SH3PXD2B: variants seen among roughly 807,000 people sequenced by gnomAD.
SH3PXD2B encodes the protein SH3 and PX domain-containing protein 2B.
Under a neutral mutation model 73.1 loss-of-function variants are expected in SH3PXD2B, and 37 were observed. The observed-to-expected ratio is 0.51, with a 90% CI of 0.39 to 0.67. The LOEUF (loss-of-function observed/expected upper bound fraction) is 0.67, where lower values mean the gene tolerates loss of function less well. Among genes scored for constraint, SH3PXD2B ranks in the 30% least tolerant of loss-of-function variants. The pLI, the probability that SH3PXD2B is intolerant of heterozygous loss-of-function variation, is 0.00. For synonymous variants in SH3PXD2B, 457 were observed against 480.5 expected (o/e 0.95, Z 0.64); for missense variants, 1,053 against 1,197.8 (o/e 0.88, Z 1.78).
At chr5:172,405,093 A>G (rs1581313405) in intron 3 of SH3PXD2B, among the ~76,000 whole-genome samples, 1 of 152,222 alleles carries the variant, frequency 6.6e-6, no homozygotes, top group Non-Finnish European at 1.5e-5. Context: ...GGTTTGGGTA[A>G]CCCCTCTCTT....
intron 2 of SH3PXD2B, among the ~76,000 whole-genome samples, chr5:172,416,925 T>C (rs980575359): frequency 6.6e-6 from 1 of 151,920 alleles, no homozygotes; most frequent in African/African-American, 2.4e-5. Flanking sequence ...GCCAGACTGG[T>C]CTTGAATTTC....
chr5:172,381,347 T>C (rs895225356), intron 5 of SH3PXD2B, among the ~76,000 whole-genome samples: 4 of 152,226 alleles, frequency 2.6e-5, no homozygotes, highest in African/African-American at 9.6e-5. Context: ...CTGATCTCTT[T>C]TCCCCACTGC....
chr5:172,380,521 G>A (rs910008985), intron 5 of SH3PXD2B, among the ~76,000 whole-genome samples: 1 of 152,198 alleles, frequency 6.6e-6, no homozygotes, highest in Non-Finnish European at 1.5e-5. Context: ...AAGGTGCTTT[G>A]AGACTATTTC....
rs1433849427 is a variant in SH3PXD2B, at chr5:172,333,985, TG to T, written c.*4383del. ...TTGCTTATTGCTGATGTAAGCCTGG[TG>T]GGGGCACCTTCTTTTTTACATGAAT... On this transcript the variant is annotated 3_prime_UTR_variant, in exon 13 of 13. Transcript: ENST00000311601. 7 of 1,198,992 alleles carry T rather than the reference TG, an allele frequency of 5.8e-6. No homozygotes were observed. The highest frequency in any genetic ancestry group is 3.8e-5 in the Admixed American group (1 of 26,230). 74.3% of individuals were successfully genotyped at this position (1,198,992 alleles called of 1,614,324 possible).
In SH3PXD2B at chr5:172,421,576, G is replaced by A. The variant is rs1442842012; in HGVS notation, c.156+840C>T. Among the ~76,000 whole-genome samples the A allele has an allele frequency of 6.6e-6, 1 of 152,200 alleles. No homozygotes were observed. The highest frequency in any genetic ancestry group is 6.5e-5 in the Admixed American group (1 of 15,288). On this transcript the variant is annotated intron_variant, in intron 2 of 12. Transcript: ENST00000311601. This position sits in a 1 kb window ranked among gnomAD's most constrained non-coding sequence, Gnocchi z 4.0. Reference sequence around the variant, plus strand: ...CAGAGAGACACACAGAGCTGTAGGGGCACAGAATGGGTGGCCCTCGCTGGC... The same window carrying A: ...CAGAGAGACACACAGAGCTGTAGGGACACAGAATGGGTGGCCCTCGCTGGC...
chr5:172,355,886 T>C lies in SH3PXD2B; in HGVS notation c.668-1881A>G, dbSNP rs1477917644. On this transcript the variant is annotated intron_variant, in intron 8 of 12. Coordinates refer to ENST00000311601, the MANE Select transcript of SH3PXD2B (RefSeq NM_001017995.3). ...CACCCGAGTCCCTCTCTGGCATCCA[T>C]GGATTGCTCAGTGATTGCACACACA... 2.0e-5 allele frequency among the ~76,000 whole-genome samples: 3 copies of C among 152,120 alleles called. No individual in the cohort carries two copies. In the East Asian group the frequency reaches 5.8e-4, roughly 29 times the overall value.
chr5:172,362,845 G>A lies in SH3PXD2B; in HGVS notation c.452C>T (p.Pro151Leu), dbSNP rs1246166974. 2 of 1,614,112 alleles carry A rather than the reference G, an allele frequency of 1.2e-6. No individual in the cohort carries two copies. Among genetic ancestry groups the A allele is most frequent in the Non-Finnish European group, 8.5e-7 (1 of 1,180,018 alleles). Residue 151 changes from proline (P) to leucine (L), a missense_variant, in exon 7 of 13, where the codon CCC becomes CTC. Physicochemically the swap from Pro to Leu is moderately conservative, Grantham distance 98 (BLOSUM62 -3). Transcript: ENST00000311601. ...KSGGDQTSVD[P>L]MVLEQYVVVA... Reference sequence around the variant, plus strand: ...CACCACATACTGCTCCAGGACCATGGGGTCCACTGAGGTTTGGTCACCCCC... The same window carrying A: ...CACCACATACTGCTCCAGGACCATGAGGTCCACTGAGGTTTGGTCACCCCC...
At chr5:172,372,533 G>T in intron 6 of SH3PXD2B, among the ~76,000 whole-genome samples, 1 of 152,142 alleles carries the variant, frequency 6.6e-6, no homozygotes, top group East Asian at 1.9e-4. Flanking sequence ...CTTTACAGAA[G>T]TGTGAGAATG....
chr5:172,369,400 G>A (rs1266208923), intron 6 of SH3PXD2B, among the ~76,000 whole-genome samples: 1 of 152,056 alleles, frequency 6.6e-6, no homozygotes, highest in Non-Finnish European at 1.5e-5. Context: ...GAGAAAGTTT[G>A]TCAACCCCTG....
chr5:172,452,488 G>A (rs954402837), intron 1 of SH3PXD2B, among the ~76,000 whole-genome samples: 3 of 152,180 alleles, frequency 2.0e-5, no homozygotes, highest in African/African-American at 7.2e-5. Context: ...GGTCCAGCGG[G>A]CCTGGATCTA....
intron 1 of SH3PXD2B, among the ~76,000 whole-genome samples, chr5:172,440,745 C>A (rs754148617): frequency 6.6e-6 from 1 of 152,114 alleles, no homozygotes; most frequent in Non-Finnish European, 1.5e-5. Context: ...CCATGCCACA[C>A]GCAAAAGGAA....
chr5:172,343,808 GAAAA>G (rs373283592), intron 12 of SH3PXD2B, among the ~76,000 whole-genome samples: 2 of 138,514 alleles, frequency 1.4e-5, no homozygotes, highest in Non-Finnish European at 3.2e-5. Flanking sequence ...CCGTCTCAAA[GAAAA>G]AAAAAAAGAT....
chr5:172,408,185 G>A (rs1758606068), intron 2 of SH3PXD2B, among the ~76,000 whole-genome samples: 2 of 151,266 alleles, frequency 1.3e-5, no homozygotes, highest in Admixed American at 1.3e-4. Flanking sequence ...TCCCTTGGTC[G>A]CTAGCTACAG....
intron 5 of SH3PXD2B, among the ~76,000 whole-genome samples, chr5:172,376,961 C>T (rs1258318485): frequency 2.6e-5 from 4 of 152,214 alleles, no homozygotes; most frequent in Non-Finnish European, 5.9e-5. Context: ...TTGGCTGCTG[C>T]ATCAAGACAC....
At chr5:172,345,804 A>G in intron 12 of SH3PXD2B, among the ~76,000 whole-genome samples, 1 of 152,204 alleles carries the variant, frequency 6.6e-6, no homozygotes, top group Middle Eastern at 3.2e-3. Context: ...TGAAATGTCT[A>G]AAACAGGCAC....
intron 6 of SH3PXD2B, among the ~76,000 whole-genome samples, chr5:172,371,384 G>A (rs1405182294): frequency 6.6e-6 from 1 of 152,166 alleles, no homozygotes; most frequent in Non-Finnish European, 1.5e-5. Flanking sequence ...AAGTCTGTAG[G>A]AGCCAGCCAG....
At chr5:172,328,457 C>G (rs1165779244) in intron 12 of SH3PXD2B, among the ~76,000 whole-genome samples, 1 of 152,072 alleles carries the variant, frequency 6.6e-6, no homozygotes, top group African/African-American at 2.4e-5. Flanking sequence ...CCTTGGCCTC[C>G]CGAAGTGTTG....
chr5:172,345,791 A>G lies in SH3PXD2B; in HGVS notation c.1188+345T>C, dbSNP rs373344998. 7.2e-5 allele frequency among the ~76,000 whole-genome samples: 11 copies of G among 152,280 alleles called. No homozygotes were observed. In the East Asian group the frequency reaches 1.9e-3, roughly 27 times the overall value. ...GACCACATACTGTGGGATTTCATCT[A>G]TATGAAATGTCTAAAACAGGCACAT... On this transcript the variant is annotated intron_variant, in intron 12 of 12. Coordinates refer to ENST00000311601, the MANE Select transcript of SH3PXD2B (RefSeq NM_001017995.3).
rs541791736 is a variant in SH3PXD2B at position 172,423,536 on chromosome 5, A to G, written c.76-1040T>C. Among the ~76,000 whole-genome samples, 3 of 95,818 alleles carry G rather than the reference A, an allele frequency of 3.1e-5. No individual in the cohort carries two copies. In the South Asian group the frequency reaches 1.6e-3, roughly 50 times the overall value. The allele number at this position is 95,818 out of a possible 152,430, so 62.9% of individuals were successfully genotyped here. ...CCCTACCTTCAGCTCACCCACTTGG[A>G]TACGGGGTTGGGGGGGGGGGCGCAC... is the stretch of plus-strand genomic sequence containing the variant. On this transcript the variant is annotated intron_variant, in intron 1 of 12. Transcript: ENST00000311601.
Sources: allele counts gnomAD v4.1 joint callset (sites outside exome capture counted in the v4.1 genomes callset), GRCh38; gene constraint gnomAD v4.1.1; non-coding constraint Gnocchi (gnomAD v3.1); transcripts MANE v1.5; gene names NCBI Gene and HGNC (gene_info 2026-07-23, HGNC 2026-07-21).